DOCK1: variants seen among roughly 807,000 people sequenced by gnomAD.
DOCK1 encodes dedicator of cytokinesis 1.
In DOCK1, 138 loss-of-function variants were observed where a neutral mutation model predicts 262.7. The ratio of observed to expected loss-of-function variants is 0.53; its 90% CI spans 0.46 to 0.61. The LOEUF is 0.61. Among genes scored for constraint, DOCK1 ranks in the 20% least tolerant of loss-of-function variants. The pLI is 0.00. For synonymous variants in DOCK1, 866 were observed against 867.4 expected (o/e 1.00, Z 0.03); for missense variants, 1,908 against 2,370.7 (o/e 0.80, Z 4.05).
At chr10:127,187,152 A>T (rs1589841488) in intron 27 of DOCK1, among the ~76,000 whole-genome samples, 1 of 152,248 alleles carries the variant, frequency 6.6e-6, no homozygotes, top group Non-Finnish European at 1.5e-5. Flanking sequence ...CACCCAACAC[A>T]TAACACATTA....
chr10:126,938,774 AGG>A (rs2034732397), intron 1 of DOCK1, among the ~76,000 whole-genome samples: 4 of 50,160 alleles, frequency 8.0e-5, no homozygotes, highest in African/African-American at 1.3e-4. Context: ...TGAAGACAGG[AGG>A]GGATGAACAC....
At chr10:126,998,584 C>T (rs909485005) in intron 8 of DOCK1, 7 of 196,862 alleles carry the variant, frequency 3.6e-5, no homozygotes, top group Non-Finnish European at 6.3e-5. Context: ...ATATCCTGGT[C>T]CCTCAAATAT....
intron 23 of DOCK1, among the ~76,000 whole-genome samples, chr10:127,079,042 T>G (rs2046743257): frequency 6.6e-6 from 1 of 152,216 alleles, no homozygotes; most frequent in African/African-American, 2.4e-5. Flanking sequence ...TATAAATTGA[T>G]GGATAAATTT....
intron 1 of DOCK1, among the ~76,000 whole-genome samples, chr10:126,937,204 G>T (rs2134220703): frequency 6.6e-6 from 1 of 152,178 alleles, no homozygotes; most frequent in Non-Finnish European, 1.5e-5. Flanking sequence ...TCCATTGTTT[G>T]TATATGCCAG....
At position 127,033,452 on chromosome 10, in the gene DOCK1, C is replaced by T. The variant is rs568950118; in HGVS notation, c.1912+1132C>T. Among the ~76,000 whole-genome samples the T allele has an allele frequency of 3.3e-5, 5 of 152,320 alleles. No individual in the cohort carries two copies. The East Asian group carries it at 5.8e-4, about 18-fold the overall frequency. ...CACACTGATGTTGTTGCTGTCACTC[C>T]GTCTGGAAGAGGCAGAAATCCTACA... is the stretch of plus-strand genomic sequence containing the variant. On this transcript the variant is annotated intron_variant, in intron 18 of 51. Coordinates refer to ENST00000623213, the MANE Select transcript of DOCK1 (RefSeq NM_001290223.2).
chr10:127,120,395 T>C lies in DOCK1; in HGVS notation c.2624-5079T>C, dbSNP rs2133010730. ...TGAGCCGTGTATGTAATTAAAAATA[T>C]TCTAGTTGCCACATTTTAAAAAATG... On this transcript the variant is annotated intron_variant, in intron 25 of 51. Transcript: ENST00000623213. Among the ~76,000 whole-genome samples, 2 of 152,370 alleles carry C rather than the reference T, an allele frequency of 1.3e-5. 1 individual carries two copies. Among genetic ancestry groups the C allele is most frequent in the South Asian group, 4.1e-4 (2 of 4,830 alleles).
At chr10:127,287,246 A>G (rs1240678316) in intron 29 of DOCK1, among the ~76,000 whole-genome samples, 1 of 149,452 alleles carries the variant, frequency 6.7e-6, no homozygotes, top group Admixed American at 6.7e-5. Flanking sequence ...TCTGTTGTCC[A>G]AGCTGGAGTG....
intron 44 of DOCK1, among the ~76,000 whole-genome samples, chr10:127,417,439 G>A (rs1359883392): frequency 8.0e-6 from 1 of 125,264 alleles, no homozygotes; most frequent in Non-Finnish European, 1.8e-5. Flanking sequence ...CTGGAGCCAG[G>A]AGGACAGTGG....
At chr10:127,292,825 T>C (rs2061390337) in intron 29 of DOCK1, among the ~76,000 whole-genome samples, 1 of 152,108 alleles carries the variant, frequency 6.6e-6, no homozygotes, top group Non-Finnish European at 1.5e-5. Flanking sequence ...CTGCCGATGA[T>C]GTGAAGTGAC....
chr10:126,949,988 A>G (rs1591414737), intron 1 of DOCK1, among the ~76,000 whole-genome samples: 1 of 151,896 alleles, frequency 6.6e-6, no homozygotes, highest in South Asian at 2.1e-4. Context: ...TTAGCCCCCC[A>G]AAGCAGGTTT....
chr10:126,964,677 A>G (rs1317265732), intron 1 of DOCK1, among the ~76,000 whole-genome samples: 1 of 152,240 alleles, frequency 6.6e-6, no homozygotes, highest in Non-Finnish European at 1.5e-5. Context: ...TGTGTGAGAC[A>G]GAGAGTGACT....
chr10:127,314,032 T>C (rs2062167144), intron 29 of DOCK1, among the ~76,000 whole-genome samples: 1 of 152,182 alleles, frequency 6.6e-6, no homozygotes, highest in Non-Finnish European at 1.5e-5. Flanking sequence ...GAAAATGACC[T>C]TTCATGCCCG....
At chr10:127,070,598 A>G (rs2046171657) in intron 23 of DOCK1, among the ~76,000 whole-genome samples, 1 of 151,872 alleles carries the variant, frequency 6.6e-6, no homozygotes, top group South Asian at 2.1e-4. Context: ...GGTAGACGTC[A>G]TCGTGGACGT....
chr10:127,299,147 G>A (rs541245708), intron 29 of DOCK1, among the ~76,000 whole-genome samples: 12 of 152,292 alleles, frequency 7.9e-5, no homozygotes, highest in African/African-American at 2.9e-4. Flanking sequence ...CACTCAGGCT[G>A]GAGTACAATA....
At chr10:126,949,307 C>A (rs1224446158) in intron 1 of DOCK1, among the ~76,000 whole-genome samples, 2 of 152,088 alleles carry the variant, frequency 1.3e-5, no homozygotes, top group Non-Finnish European at 2.9e-5. Context: ...CTGTCTAGTG[C>A]CTCTGGGGAT....
chr10:127,046,225 G>T (rs1299713758), intron 21 of DOCK1, among the ~76,000 whole-genome samples: 1 of 152,178 alleles, frequency 6.6e-6, no homozygotes, highest in African/African-American at 2.4e-5. Context: ...AGTGAAGCAG[G>T]CTTCATGCCA....
chr10:127,264,705 G>A (rs926118795), intron 29 of DOCK1, among the ~76,000 whole-genome samples: 2 of 152,020 alleles, frequency 1.3e-5, no homozygotes, highest in Non-Finnish European at 2.9e-5. Context: ...CTGTTGTCCA[G>A]GCTGGAGTGC....
chr10:127,346,858 TG>T (rs1469015754), intron 31 of DOCK1, among the ~76,000 whole-genome samples: 5 of 152,178 alleles, frequency 3.3e-5, no homozygotes, highest in African/African-American at 1.2e-4. Flanking sequence ...AAGTTGTCTT[TG>T]CAAGACACTG....
chr10:127,261,778 T>G (rs558850870), intron 29 of DOCK1, among the ~76,000 whole-genome samples: 117 of 138,784 alleles, frequency 8.4e-4, no homozygotes, highest in South Asian at 2.5e-3. Flanking sequence ...GGTGTGTGTG[T>G]GTGTACCTGC....
Sources: gnomAD v4.1 joint callset for allele counts (sites outside exome capture counted in the v4.1 genomes callset) on GRCh38, gnomAD v4.1.1 for gene constraint, MANE v1.5 for transcripts, NCBI Gene and HGNC (gene_info 2026-07-23, HGNC 2026-07-21) for gene names.